The following PGM5 variants were observed in gnomAD, a reference collection of about 807,000 sequenced individuals.
The protein encoded by PGM5 is phosphoglucomutase 5.
A neutral mutation model predicts 59.2 loss-of-function variants in PGM5; 23 were observed. That is an observed-to-expected ratio of 0.39 (90% CI 0.28 to 0.55). The LOEUF is 0.55. Ranked by LOEUF, PGM5 falls within the 20% of genes least tolerant of loss-of-function variation. The pLI, the probability that PGM5 is intolerant of heterozygous loss-of-function variation, is 0.66. For synonymous variants in PGM5, 214 were observed against 286.0 expected (o/e 0.75, Z 2.54); for missense variants, 574 against 748.3 (o/e 0.77, Z 2.72).
At chr9:68,386,628 C>A (rs1181130490) in intron 3 of PGM5, among the ~76,000 whole-genome samples, 1 of 151,916 alleles carries the variant, frequency 6.6e-6, no homozygotes, top group Non-Finnish European at 1.5e-5. Flanking sequence ...AAACAATATA[C>A]GTAAGTTTCA....
At position 68,384,562 on chromosome 9, in the gene PGM5, T is replaced by C. The variant is rs557349468; in HGVS notation, c.571+18T>C. 2.9e-5 allele frequency: 46 copies of C among 1,586,756 alleles called. No homozygotes were observed. The East Asian group carries it at 3.1e-4, about 11-fold the overall frequency. The stretch of plus-strand genomic sequence containing the variant: ...ATTCAGAGGTAACAGAGATTTTATT[T>C]TGAAGAAGTCAGAGTAACTATGTGG... On this transcript the variant is annotated intron_variant, in intron 3 of 10. Coordinates refer to ENST00000396396, the MANE Select transcript of PGM5 (RefSeq NM_021965.4).
At position 68,516,902 on chromosome 9, in the gene PGM5, G is replaced by A. The variant is rs563653040; in HGVS notation, c.1615-12665G>A. ...GTTTTTTGTTTTGAGACAGAGTTTC[G>A]CTCTTGTTGCCCAGGCTGGAGTGCA... is the stretch of plus-strand genomic sequence containing the variant. On this transcript the variant is annotated intron_variant, in intron 10 of 10. Transcript: ENST00000396396. Among the ~76,000 whole-genome samples, 5 of 151,882 alleles carry A rather than the reference G, an allele frequency of 3.3e-5. No individual in the cohort carries two copies. In the East Asian group the frequency reaches 7.7e-4, roughly 24 times the overall value.
intron 8 of PGM5, 90 bp from the exon 9 acceptor site, chr9:68,483,775 G>A: frequency 8.2e-7 from 1 of 1,212,386 alleles, no homozygotes; most frequent in African/African-American, 1.5e-5. Context: ...TCCTTCCCTG[G>A]AAACAGAACC....
At chr9:68,445,170 T>G (rs1823591913) in intron 6 of PGM5, among the ~76,000 whole-genome samples, 1 of 152,118 alleles carries the variant, frequency 6.6e-6, no homozygotes, top group South Asian at 2.1e-4. Context: ...GGTCTTCAAA[T>G]GTTAGAGTGC....
chr9:68,486,167 T>C (rs1417651476), intron 9 of PGM5, among the ~76,000 whole-genome samples: 1 of 152,250 alleles, frequency 6.6e-6, no homozygotes, highest in African/African-American at 2.4e-5. Context: ...AACCATTAAG[T>C]ACCTTGGTGC....
intron 6 of PGM5, among the ~76,000 whole-genome samples, chr9:68,459,933 T>C (rs1823832514): frequency 6.6e-6 from 1 of 152,222 alleles, no homozygotes; most frequent in Non-Finnish European, 1.5e-5. Flanking sequence ...GTTAGATATA[T>C]ACGATGCAAA....
At chr9:68,528,050 T>G (rs1024780293) in intron 10 of PGM5, among the ~76,000 whole-genome samples, 1 of 152,220 alleles carries the variant, frequency 6.6e-6, no homozygotes, top group Admixed American at 6.5e-5. Context: ...TGGATTGGAA[T>G]GTGTGCACTC....
intron 9 of PGM5, among the ~76,000 whole-genome samples, chr9:68,484,938 T>G (rs1189435890): frequency 1.3e-5 from 2 of 152,170 alleles, no homozygotes; most frequent in African/African-American, 4.8e-5. Flanking sequence ...GATTCAAGTC[T>G]CATTTTGATG....
intron 6 of PGM5, among the ~76,000 whole-genome samples, chr9:68,451,379 T>C (rs1358071190): frequency 6.6e-6 from 1 of 152,236 alleles, no homozygotes; most frequent in East Asian, 1.9e-4. Context: ...TTGAAAGGTT[T>C]CCAGAGTGTG....
intron 10 of PGM5, among the ~76,000 whole-genome samples, chr9:68,521,340 T>C (rs1350085469): frequency 2.0e-5 from 3 of 152,132 alleles, no homozygotes; most frequent in Non-Finnish European, 4.4e-5. Flanking sequence ...ACAAAGTATA[T>C]AAAATGGCAG....
At chr9:68,522,049 G>C (rs1287250708) in intron 10 of PGM5, among the ~76,000 whole-genome samples, 3 of 152,228 alleles carry the variant, frequency 2.0e-5, no homozygotes, top group Non-Finnish European at 2.9e-5. Context: ...GAGGTCTGGA[G>C]TTCAAGGCCG....
At position 68,529,800 on chromosome 9, in the gene PGM5, G is replaced by GAAAA; in HGVS notation, c.*145_*148dup. 1 of 308,554 alleles carries GAAAA rather than the reference G, an allele frequency of 3.2e-6. No homozygotes were observed. The highest frequency in any genetic ancestry group is 6.3e-6 in the Non-Finnish European group (1 of 159,816). The allele number at this position is 308,554 out of a possible 1,614,324, so 19.1% of individuals were successfully genotyped here. A position where few individuals can be genotyped will look rare whatever the true frequency, so the allele number is the denominator to read the frequency against. ...CTTTTGGGGGATAGAGGGTGGGTGG[G>GAAAA]AAAAGAAAAAAAATCCATTTGGTTT... On this transcript the variant is annotated 3_prime_UTR_variant, in exon 11 of 11. Transcript: ENST00000396396.
chr9:68,529,564 C>T lies in PGM5; in HGVS notation c.1615-3C>T. ...TTCACAGACTTTCCTTTTCCTTTTG[C>T]AGGCAGTGCTGAGCCCTCTCATAGC... On this transcript the variant is annotated splice_region_variant and splice_polypyrimidine_tract_variant and intron_variant, in intron 10 of 10. Coordinates refer to ENST00000396396, the MANE Select transcript of PGM5 (RefSeq NM_021965.4). 1.9e-6 allele frequency: 3 copies of T among 1,585,922 alleles called. No homozygotes were observed. The highest frequency in any genetic ancestry group is 1.7e-5 in the Admixed American group (1 of 58,086).
intron 1 of PGM5, chr9:68,371,844 G>C (rs1268772468): frequency 6.6e-6 from 1 of 152,152 alleles, no homozygotes; most frequent in Non-Finnish European, 1.5e-5. Context: ...AGAAGACATA[G>C]ACACGCAGAG....
intron 6 of PGM5, among the ~76,000 whole-genome samples, chr9:68,436,477 G>A (rs2132059842): frequency 1.3e-5 from 2 of 152,336 alleles, no homozygotes; most frequent in East Asian, 3.9e-4. Flanking sequence ...CGAGCAGCCA[G>A]AGAGAAGGAG....
intron 6 of PGM5, among the ~76,000 whole-genome samples, chr9:68,435,819 T>C (rs1801372093): frequency 1.3e-5 from 2 of 152,206 alleles, no homozygotes; most frequent in Admixed American, 1.3e-4. Flanking sequence ...ATATATATTT[T>C]TGGATGTCTC....
chr9:68,376,815 T>TTCTTTC (rs1554677763), intron 1 of PGM5, among the ~76,000 whole-genome samples: 50 of 103,182 alleles, frequency 4.8e-4, no homozygotes, highest in African/African-American at 2.2e-3. Context: ...CTTTCTTTCT[T>TTCTTTC]TCTTTCTTTC....
At chr9:68,444,865 G>A (rs1039450238) in intron 6 of PGM5, among the ~76,000 whole-genome samples, 1 of 152,158 alleles carries the variant, frequency 6.6e-6, no homozygotes, top group Non-Finnish European at 1.5e-5. Context: ...GGAAAAGGTG[G>A]TGGGTATTAT....
chr9:68,384,051 C>G (rs11140670), intron 2 of PGM5, among the ~76,000 whole-genome samples: 3,810 of 152,116 alleles, frequency 0.025, 83 homozygotes, highest in East Asian at 0.12. Context: ...AATGCATATC[C>G]TGTTTGTGTC....
Sources: allele counts gnomAD v4.1 joint callset (sites outside exome capture counted in the v4.1 genomes callset), GRCh38; gene constraint gnomAD v4.1.1; transcripts MANE v1.5; gene names NCBI Gene and HGNC (gene_info 2026-07-23, HGNC 2026-07-21).